Variants in RIPK4 observed in about 807,000 individuals in gnomAD.
The protein encoded by RIPK4 is receptor-interacting serine/threonine-protein kinase 4.
Under a neutral mutation model 42.9 loss-of-function variants are expected in RIPK4, and 17 were observed. The observed-to-expected ratio is 0.40, with a 90% CI of 0.27 to 0.59. The LOEUF (loss-of-function observed/expected upper bound fraction) is 0.59. Among genes scored for constraint, RIPK4 ranks in the 20% least tolerant of loss-of-function variants. The pLI, the probability that RIPK4 is intolerant of heterozygous loss-of-function variation, is 0.47. For missense variants in RIPK4, 897 were observed against 1,104.4 expected (o/e 0.81, Z 2.66); for synonymous variants, 498 against 499.1 (o/e 1.00, Z 0.03).
chr21:41,766,767 G>T, intron 1 of RIPK4, 93 bp downstream of exon 1: 3 of 1,343,006 alleles, frequency 2.2e-6, no homozygotes, highest in South Asian at 2.7e-5. Flanking sequence ...GGGTGAGTTC[G>T]GGAGAGAGAG....
intron 2 of RIPK4, among the ~76,000 whole-genome samples, chr21:41,752,171 A>G (rs1045697047): frequency 6.6e-6 from 1 of 151,924 alleles, no homozygotes; most frequent in Non-Finnish European, 1.5e-5. Context: ...CATTAATGGG[A>G]CTCTTGATCC....
chr21:41,746,508 A>C, intron 5 of RIPK4, 105 bp downstream of exon 5: 1 of 1,383,260 alleles, frequency 7.2e-7, no homozygotes, highest in East Asian at 2.5e-5. Context: ...CACCTGTTAC[A>C]CGCCTTGTTT....
Position 41,751,642 on chromosome 21 carries a change from T to G in RIPK4, c.475-397A>C, listed in dbSNP as rs1484375621. 6.6e-6 allele frequency among the ~76,000 whole-genome samples: 1 copy of G among 152,188 alleles called. No individual in the cohort carries two copies. The highest frequency in any genetic ancestry group is 6.5e-5 in the Admixed American group (1 of 15,288). On this transcript the variant is annotated intron_variant, in intron 2 of 7. Transcript: ENST00000332512. This position sits in a 1 kb window ranked among gnomAD's most constrained non-coding sequence, Gnocchi z 4.5. ...GAGGGTTCAGGTAAAGAGAGACACATGTGAAGACCAGGTCTGCTCCTAGAG... is the reference window on the plus strand; with the variant it reads ...GAGGGTTCAGGTAAAGAGAGACACAGGTGAAGACCAGGTCTGCTCCTAGAG...
At chr21:41,765,079 C>G (rs1486351124) in intron 1 of RIPK4, among the ~76,000 whole-genome samples, 1 of 152,336 alleles carries the variant, frequency 6.6e-6, no homozygotes, top group East Asian at 1.9e-4. Context: ...AGGGACTGGT[C>G]GCTAGAAATA....
At chr21:41,745,617 T>A (rs1205709203) in intron 6 of RIPK4, 142 bp downstream of exon 6, 1 of 643,394 alleles carries the variant, frequency 1.6e-6, no homozygotes, top group Non-Finnish European at 2.8e-6. Flanking sequence ...GACCTACACT[T>A]CTAATGGAGT....
At chr21:41,756,419 C>G in intron 2 of RIPK4, 106 bp downstream of exon 2, 7 of 1,360,240 alleles carry the variant, frequency 5.1e-6, no homozygotes, top group Non-Finnish European at 7.0e-6. Context: ...GAACCACCTC[C>G]TCTTCTGCCC....
At chr21:41,753,149 T>C (rs761164331) in intron 2 of RIPK4, among the ~76,000 whole-genome samples, 4 of 152,210 alleles carry the variant, frequency 2.6e-5, no homozygotes, top group African/African-American at 4.8e-5. Flanking sequence ...TACAAGTTAG[T>C]AGCTCCGTGG....
chr21:41,743,857 G>T, intron 7 of RIPK4, 25 bp downstream of exon 7: 1 of 1,558,404 alleles, frequency 6.4e-7, no homozygotes, highest in South Asian at 1.2e-5. Context: ...AGCATCTCTC[G>T]GGACACAGAG....
chr21:41,742,494 TG>T lies in RIPK4; in HGVS notation c.1196-498del, dbSNP rs1410897075. ...CACCTCGAAGTGGCACCTCCTGACC[TG>T]GGGAGGTTAAGTCGGAAGTTTTCTA... On this transcript the variant is annotated intron_variant, in intron 7 of 7. Coordinates refer to ENST00000332512, the MANE Select transcript of RIPK4 (RefSeq NM_020639.3). The surrounding 1 kb of genome is among the most constrained non-coding windows in gnomAD (Gnocchi z 5.1). Among the ~76,000 whole-genome samples the T allele has an allele frequency of 6.6e-6, 1 of 152,156 alleles. No homozygotes were observed. Among genetic ancestry groups the T allele is most frequent in the African/African-American group, 2.4e-5 (1 of 41,442 alleles).
chr21:41,766,878 C>G lies in RIPK4; in HGVS notation c.164G>C (p.Ser55Thr), dbSNP rs1442856473. Residue 55 changes from serine to threonine, a missense_variant, in exon 1 of 8, where the codon AGC becomes ACC. By Grantham distance (58) the Ser-to-Thr change is moderately conservative. Transcript: ENST00000332512. The part of the protein sequence containing the change: ...KTWLAIKCSP[S>T]LHVDDRERME... ...CGCTCACCTGTCGTCGACGTGCAGG[C>G]TGGGCGAGCACTTGATGGCCAGCCA... 1.2e-6 allele frequency: 2 copies of G among 1,610,074 alleles called. No homozygotes were observed. The highest frequency in any genetic ancestry group is 1.7e-6 in the Non-Finnish European group (2 of 1,178,648).
At chr21:41,756,943 G>T in intron 1 of RIPK4, 127 bp from the exon 2 acceptor site, 1 of 927,422 alleles carries the variant, frequency 1.1e-6, no homozygotes, top group Non-Finnish European at 1.6e-6. Context: ...CACACATGGG[G>T]CACACTTCAA....
intron 2 of RIPK4, among the ~76,000 whole-genome samples, chr21:41,754,472 C>T (rs1202756090): frequency 5.3e-5 from 8 of 152,210 alleles, no homozygotes; most frequent in Admixed American, 1.3e-4. Context: ...ACAGAGATGT[C>T]CTGTCACTTC....
At chr21:41,757,941 G>A (rs1306150778) in intron 1 of RIPK4, among the ~76,000 whole-genome samples, 1 of 142,198 alleles carries the variant, frequency 7.0e-6, no homozygotes, top group Admixed American at 7.1e-5. Context: ...GGAGGTTACA[G>A]TGAGCCGAGA....
intron 2 of RIPK4, among the ~76,000 whole-genome samples, chr21:41,754,221 G>A (rs1392737382): frequency 6.6e-6 from 1 of 152,104 alleles, no homozygotes; most frequent in East Asian, 1.9e-4. Context: ...TCCACACTTC[G>A]TCTTCAGGAA....
At chr21:41,756,064 G>A (rs868736585) in intron 2 of RIPK4, among the ~76,000 whole-genome samples, 12 of 152,274 alleles carry the variant, frequency 7.9e-5, no homozygotes, top group Middle Eastern at 3.4e-3. Context: ...TCTTTCCACA[G>A]CACTTTGAGG....
At chr21:41,753,297 C>T (rs1431655319) in intron 2 of RIPK4, among the ~76,000 whole-genome samples, 1 of 152,052 alleles carries the variant, frequency 6.6e-6, no homozygotes, top group Admixed American at 6.6e-5. Flanking sequence ...AAAAGAAAAA[C>T]GACAGGGGTG....
intron 5 of RIPK4, chr21:41,746,210 A>G (rs1205690624): frequency 6.5e-6 from 4 of 613,136 alleles, no homozygotes; most frequent in African/African-American, 5.4e-5. Flanking sequence ...CCATCTCATC[A>G]GGGTGACTTT....
At position 41,749,905 on chromosome 21, in the gene RIPK4, AAAAAG is replaced by A. The variant is rs1402742374; in HGVS notation, c.624-707_624-703del. Among the ~76,000 whole-genome samples the A allele has an allele frequency of 3.1e-3, 474 of 151,616 alleles. 3 individuals carry two copies. Among genetic ancestry groups the A allele is most frequent in the African/African-American group, 0.011 (448 of 41,250 alleles). ...CAAATTGATTAAAAAAAAAAAAAAA[AAAAAG>A]AAAAGAAAAACAGAAGTCCGAAAAC... On this transcript the variant is annotated intron_variant, in intron 3 of 7. Coordinates refer to ENST00000332512, the MANE Select transcript of RIPK4 (RefSeq NM_020639.3).
intron 3 of RIPK4, 76 bp from the exon 4 acceptor site, chr21:41,749,279 G>A (rs748244759): frequency 1.4e-5 from 20 of 1,414,708 alleles, no homozygotes; most frequent in Non-Finnish European, 2.0e-5. Context: ...ACAGCAACAG[G>A]CGTGAAGACA....
Sources: gnomAD v4.1 joint callset for allele counts (sites outside exome capture counted in the v4.1 genomes callset) on GRCh38, gnomAD v4.1.1 for gene constraint, Gnocchi (gnomAD v3.1) non-coding constraint, MANE v1.5 for transcripts, NCBI Gene and HGNC (gene_info 2026-07-23, HGNC 2026-07-21) for gene names.